DUSP15: variants seen among roughly 807,000 people sequenced by gnomAD.
DUSP15 encodes the protein dual specificity phosphatase 15.
A neutral mutation model predicts 26.3 loss-of-function variants in DUSP15; 23 were observed. The ratio of observed to expected loss-of-function variants is 0.87; its 90% confidence interval spans 0.63 to 1.24. The LOEUF is 1.24. Among genes scored for constraint, DUSP15 ranks in the 50% most tolerant of loss-of-function variants. The pLI is 0.00. For missense variants in DUSP15, 364 were observed against 320.6 expected, an observed-to-expected ratio of 1.14 and a Z score of -1.03; for synonymous variants, 143 against 135.5, an observed-to-expected ratio of 1.06 and a Z score of -0.39.
downstream of DUSP15, among the ~76,000 whole-genome samples, chr20:31,859,622 G>T (rs756834367): frequency 6.6e-6 from 1 of 152,212 alleles, no homozygotes; most frequent in South Asian, 2.1e-4. Context: ...TGGAATATCA[G>T]ATCAGTCCTA....
Position 31,861,583 on chromosome 20 carries a change from C to CCGGCAGCGCTTGCACAGCGG in DUSP15, c.508_527dup (p.Gln177ArgfsTer105). ...AGGAGGCCGAGGTCGCGGAGCCCTG[C>CCGGCAGCGCTTGCACAGCGG]CGGCAGCGCTTGCACAGCGGCAGCA... is the stretch of plus-strand genomic sequence containing the variant. On this transcript the variant is annotated frameshift_variant, in exon 7 of 7. Coordinates refer to ENST00000339738, the MANE Select transcript of DUSP15 (RefSeq NM_080611.5). LOFTEE classifies it high-confidence loss of function. 1.3e-6 allele frequency: 2 copies of CCGGCAGCGCTTGCACAGCGG among 1,496,990 alleles called. No homozygotes were observed. The highest frequency in any genetic ancestry group is 1.8e-6 in the Non-Finnish European group (2 of 1,131,490). 92.7% of individuals were successfully genotyped at this position (1,496,990 alleles called of 1,614,324 possible).
intron 1 of DUSP15, 141 bp from the exon 2 acceptor site, chr20:31,869,738 G>A: frequency 6.6e-7 from 1 of 1,504,338 alleles, no homozygotes; most frequent in African/African-American, 1.4e-5. Flanking sequence ...CTTCCCTTTT[G>A]TGGGCCCTGA....
At chr20:31,862,257 C>T (rs1015256897) in intron 6 of DUSP15, among the ~76,000 whole-genome samples, 3 of 152,102 alleles carry the variant, frequency 2.0e-5, no homozygotes, top group Non-Finnish European at 4.4e-5. Context: ...CAATTCTCCC[C>T]GATGGGGTCA....
At position 31,864,922 on chromosome 20, in the gene DUSP15, T is replaced by A. The variant is rs769220753; in HGVS notation, c.188+31A>T. On this transcript the variant is annotated intron_variant, in intron 4 of 6. Transcript: ENST00000339738. Reference sequence around the variant, plus strand: ...CCCCACCACAGAAGGCAGCTGTCTGTCCATCTATGGGTCCATCCAGGGGAA... The same window carrying A: ...CCCCACCACAGAAGGCAGCTGTCTGACCATCTATGGGTCCATCCAGGGGAA... 2.5e-6 allele frequency: 4 copies of A among 1,609,854 alleles called. No individual in the cohort carries two copies. In the Admixed American group the frequency reaches 5.0e-5, roughly 20 times the overall value.
chr20:31,862,714 T>C lies in DUSP15; in HGVS notation c.292A>G (p.Ile98Val), dbSNP rs759962250. The C allele has an allele frequency of 3.1e-6, 5 of 1,611,850 alleles. No homozygotes were observed. The highest frequency in any genetic ancestry group is 4.2e-6 in the Non-Finnish European group (5 of 1,178,372). The change falls in exon 6 of 7, where the codon ATT becomes GTT. Residue 98 changes from isoleucine (I) to valine (V), a missense_variant. Ile to Val is a conservative substitution (Grantham distance 29, BLOSUM62 3). Transcript: ENST00000339738. Reference protein sequence around the residue: ...CFAGISRSTTIVTAYVMTVTG... With the variant: ...CFAGISRSTTVVTAYVMTVTG... The stretch of plus-strand genomic sequence containing the variant: ...ACAGTCATCACATACGCTGTCACAA[T>C]CGTGGTGCTGCGAGAGATGCCTGCA...
intron 6 of DUSP15, 33 bp downstream of exon 6, chr20:31,862,538 C>T: frequency 1.3e-6 from 2 of 1,557,270 alleles, no homozygotes; most frequent in South Asian, 1.2e-5. Context: ...TCTCCCACCC[C>T]TGGCCCAACC....
intron 3 of DUSP15, among the ~76,000 whole-genome samples, chr20:31,866,334 A>G (rs551996725): frequency 8.9e-4 from 136 of 152,312 alleles, no homozygotes; most frequent in Admixed American, 2.2e-3. Context: ...TTTGTTGAGC[A>G]TCTATTTATG....
chr20:31,868,773 C>T (rs2062834219), intron 2 of DUSP15, among the ~76,000 whole-genome samples: 1 of 152,206 alleles, frequency 6.6e-6, no homozygotes, highest in Admixed American at 6.5e-5. Flanking sequence ...AGCCACTGCG[C>T]CCAGCCCCCT....
chr20:31,863,842 T>G, intron 5 of DUSP15, 65 bp downstream of exon 5: 2 of 1,475,510 alleles, frequency 1.4e-6, no homozygotes, highest in Non-Finnish European at 1.9e-6. Flanking sequence ...AGGGGGAGTG[T>G]GTGTTCAGCA....
chr20:31,855,670 C>T (rs4911533), intron 6 of DUSP15, among the ~76,000 whole-genome samples: 3 of 152,032 alleles, frequency 2.0e-5, no homozygotes, highest in East Asian at 3.9e-4. Context: ...TATATGCATA[C>T]GTCTTAAGGG....
At chr20:31,862,526 G>T in intron 6 of DUSP15, 45 bp downstream of exon 6, 1 of 1,530,812 alleles carries the variant, frequency 6.5e-7, no homozygotes. Flanking sequence ...TGGGAAGAAG[G>T]ATCTCCCACC....
chr20:31,851,131 C>A (rs979400816), intron 6 of DUSP15, among the ~76,000 whole-genome samples: 1 of 152,170 alleles, frequency 6.6e-6, no homozygotes, highest in Admixed American at 6.5e-5. Context: ...CCCCCGCCCC[C>A]ATGGAGGTAA....
chr20:31,849,798 G>A (rs1357319884), exon 8 of DUSP15: 2 of 1,541,680 alleles, frequency 1.3e-6, no homozygotes, highest in Middle Eastern at 3.4e-4. Context: ...GGACTCAGAC[G>A]ACAGCGCTGG....
chr20:31,866,295 G>A (rs2062762899), intron 3 of DUSP15, among the ~76,000 whole-genome samples: 2 of 152,258 alleles, frequency 1.3e-5, no homozygotes, highest in East Asian at 1.9e-4. Context: ...ATAAGAATAT[G>A]ATTAAATTTG....
rs527776079 is a variant in DUSP15 at position 31,861,215 on chromosome 20, G to A, written c.*188C>T. The A allele has an allele frequency of 8.9e-5, 119 of 1,340,462 alleles. No homozygotes were observed. In the African/African-American group the frequency reaches 1.7e-3, roughly 19 times the overall value. 83.0% of individuals were successfully genotyped at this position (1,340,462 alleles called of 1,614,324 possible). The stretch of plus-strand genomic sequence containing the variant: ...CCAGGTGGCTGCAGCAGGCCGGCCC[G>A]GACACAGAGACGCACAGGTTGGGGA... On this transcript the variant is annotated 3_prime_UTR_variant, in exon 7 of 7. Transcript: ENST00000339738.
downstream of DUSP15, among the ~76,000 whole-genome samples, chr20:31,846,850 C>T (rs1007248269): frequency 6.6e-6 from 1 of 152,190 alleles, no homozygotes; most frequent in Non-Finnish European, 1.5e-5. Context: ...CTGGTGACTC[C>T]TCAGCTGTCC....
downstream of DUSP15, among the ~76,000 whole-genome samples, chr20:31,856,190 G>T (rs759682287): frequency 1.4e-4 from 21 of 152,170 alleles, no homozygotes; most frequent in Non-Finnish European, 2.5e-4. Flanking sequence ...AAAGGGAATC[G>T]CATGTGCAAA....
chr20:31,868,050 G>A (rs1046600899), intron 2 of DUSP15, among the ~76,000 whole-genome samples: 3 of 152,156 alleles, frequency 2.0e-5, no homozygotes, highest in Admixed American at 6.5e-5. Context: ...ACCCAACAGT[G>A]GCCCTCTCTA....
intron 3 of DUSP15, among the ~76,000 whole-genome samples, 153 bp downstream of exon 3, chr20:31,866,918 A>T (rs926530491): frequency 6.6e-6 from 1 of 152,228 alleles, no homozygotes; most frequent in African/African-American, 2.4e-5. Context: ...ACTGCCAAAT[A>T]GGGATGATAA....
Sources: gnomAD v4.1 joint callset for allele counts (sites outside exome capture counted in the v4.1 genomes callset) on GRCh38, gnomAD v4.1.1 for gene constraint, MANE v1.5 for transcripts, NCBI Gene and HGNC (gene_info 2026-07-23, HGNC 2026-07-21) for gene names.